The following FRMD4A variants were observed in gnomAD, a reference collection of about 807,000 sequenced individuals.
The protein encoded by FRMD4A is FERM domain containing 4A.
A neutral mutation model predicts 129.1 loss-of-function variants in FRMD4A; 29 were observed. The observed-to-expected ratio is 0.22, with a 90% CI of 0.17 to 0.31. The LOEUF (loss-of-function observed/expected upper bound fraction) is 0.31, where lower values mean the gene tolerates loss of function less well. Among genes scored for constraint, FRMD4A ranks in the 10% least tolerant of loss-of-function variants. The probability of loss-of-function intolerance (pLI) is 1.00; values close to 1 mark genes in which losing one functional copy is unlikely to be tolerated. For synonymous variants in FRMD4A, 634 were observed against 571.6 expected, an observed-to-expected ratio of 1.11 and a Z score of -1.56; for missense variants, 1,272 against 1,375.8, an observed-to-expected ratio of 0.92 and a Z score of 1.19.
intron 2 of FRMD4A, among the ~76,000 whole-genome samples, chr10:14,324,886 C>T (rs1843208926): frequency 6.6e-6 from 1 of 152,224 alleles, no homozygotes; most frequent in African/African-American, 2.4e-5. Flanking sequence ...GTCTCAAACA[C>T]CTGACCTCAG....
chr10:13,844,540 A>C (rs940028592), intron 3 of FRMD4A, among the ~76,000 whole-genome samples: 9 of 152,316 alleles, frequency 5.9e-5, no homozygotes, highest in Admixed American at 1.3e-4. Flanking sequence ...GGCCCACTTT[A>C]TTGTAGTAAC....
At chr10:14,209,788 T>G (rs1842887080) in intron 2 of FRMD4A, among the ~76,000 whole-genome samples, 1 of 151,178 alleles carries the variant, frequency 6.6e-6, no homozygotes, top group Non-Finnish European at 1.5e-5. Flanking sequence ...CCCAGGAGAC[T>G]GAGGTGAGAG....
intron 3 of FRMD4A, among the ~76,000 whole-genome samples, chr10:13,847,862 T>C (rs530069161): frequency 6.6e-6 from 1 of 152,148 alleles, no homozygotes; most frequent in Non-Finnish European, 1.5e-5. Context: ...AAATAATAAA[T>C]ATTTACCAAA....
At chr10:14,021,191 G>C (rs1782676839) in intron 2 of FRMD4A, among the ~76,000 whole-genome samples, 1 of 151,974 alleles carries the variant, frequency 6.6e-6, no homozygotes, top group Admixed American at 6.6e-5. Flanking sequence ...AATTTTCTTT[G>C]GGGATGTGTA....
At chr10:13,675,697 A>T (rs746051291) in intron 15 of FRMD4A, 2 of 152,130 alleles carry the variant, frequency 1.3e-5, no homozygotes, top group African/African-American at 2.4e-5. Context: ...CACCGTGCCC[A>T]GCCCTAAAAC....
At chr10:14,238,240 A>G (rs889997349) in intron 2 of FRMD4A, among the ~76,000 whole-genome samples, 5 of 152,350 alleles carry the variant, frequency 3.3e-5, no homozygotes, top group Admixed American at 3.3e-4. Context: ...GGTGGATAGA[A>G]TTATGTTTCC....
intron 8 of FRMD4A, among the ~76,000 whole-genome samples, chr10:13,761,030 C>A (rs1277844196): frequency 6.6e-6 from 1 of 152,138 alleles, no homozygotes; most frequent in Non-Finnish European, 1.5e-5. Flanking sequence ...GCAATTTCAG[C>A]CATACTGATC....
At chr10:13,770,356 A>C (rs563190549) in intron 6 of FRMD4A, among the ~76,000 whole-genome samples, 1 of 152,322 alleles carries the variant, frequency 6.6e-6, no homozygotes, top group Non-Finnish European at 1.5e-5. Context: ...GGGATTTCTC[A>C]TGCTGTCCAC....
chr10:14,023,336 GA>G (rs112283737), intron 2 of FRMD4A, among the ~76,000 whole-genome samples: 2,327 of 146,534 alleles, frequency 0.016, 63 homozygotes, highest in African/African-American at 0.055. Flanking sequence ...AATTAATAAA[GA>G]AAAAAAAAAG....
chr10:14,162,948 C>G (rs1056011588), intron 2 of FRMD4A, among the ~76,000 whole-genome samples: 1 of 152,138 alleles, frequency 6.6e-6, no homozygotes, highest in Admixed American at 6.5e-5. Context: ...CCACACACAC[C>G]GGCATGGCCA....
At chr10:14,281,075 C>T (rs1406061963) in intron 2 of FRMD4A, among the ~76,000 whole-genome samples, 2 of 144,842 alleles carry the variant, frequency 1.4e-5, no homozygotes, top group Non-Finnish European at 3.0e-5. Flanking sequence ...TCACCACAAC[C>T]TCCACCTCCT....
At chr10:13,658,370 C>A (rs2082354230) in intron 21 of FRMD4A, among the ~76,000 whole-genome samples, 1 of 152,186 alleles carries the variant, frequency 6.6e-6, no homozygotes, top group African/African-American at 2.4e-5. Context: ...CTTTATAATT[C>A]ATTCTGCTCG....
Position 13,948,617 on chromosome 10 carries a change from G to A in FRMD4A, c.46-89705C>T, listed in dbSNP as rs577085533. 2.0e-5 allele frequency among the ~76,000 whole-genome samples: 3 copies of A among 150,822 alleles called. 1 individual carries two copies. In the East Asian group the frequency reaches 5.9e-4, roughly 30 times the overall value. On this transcript the variant is annotated intron_variant, in intron 2 of 24. Transcript: ENST00000357447. The stretch of plus-strand genomic sequence containing the variant: ...TGAGCAGAGAGCAGGTGGTGGGGAT[G>A]AGGAGAATTGATAAGCCCATGGAAA...
chr10:14,257,445 A>G (rs561541986), intron 2 of FRMD4A, among the ~76,000 whole-genome samples: 53 of 152,346 alleles, frequency 3.5e-4, no homozygotes, highest in Admixed American at 5.9e-4. Context: ...ACAGAGTATA[A>G]GCTATGTATA....
intron 2 of FRMD4A, among the ~76,000 whole-genome samples, chr10:14,110,100 G>A (rs1253892942): frequency 8.8e-6 from 1 of 113,300 alleles, no homozygotes; most frequent in Non-Finnish European, 1.7e-5. Context: ...CTATATTCCA[G>A]GCTGGGCAAC....
chr10:13,669,788 G>A (rs969970248), intron 17 of FRMD4A, among the ~76,000 whole-genome samples: 4 of 152,130 alleles, frequency 2.6e-5, no homozygotes, highest in Non-Finnish European at 5.9e-5. Context: ...TTGTTTGTTT[G>A]TTTGTTTTCT....
At chr10:14,099,117 G>A (rs2131771619) in intron 2 of FRMD4A, among the ~76,000 whole-genome samples, 1 of 152,264 alleles carries the variant, frequency 6.6e-6, no homozygotes, top group East Asian at 1.9e-4. Flanking sequence ...CGGTTTTTGA[G>A]GACATCCAGG....
chr10:13,891,258 G>T (rs1448364371), intron 2 of FRMD4A, among the ~76,000 whole-genome samples: 2 of 151,964 alleles, frequency 1.3e-5, no homozygotes, highest in African/African-American at 4.8e-5. Context: ...GCCCTGTCCT[G>T]CACCCAAAGG....
At chr10:13,697,141 C>G (rs1158367697) in intron 14 of FRMD4A, among the ~76,000 whole-genome samples, 1 of 147,686 alleles carries the variant, frequency 6.8e-6, no homozygotes, top group Non-Finnish European at 1.5e-5. Flanking sequence ...GAAGCTTTAG[C>G]AAACTACTGG....
Sources: allele counts gnomAD v4.1 joint callset (sites outside exome capture counted in the v4.1 genomes callset), GRCh38; gene constraint gnomAD v4.1.1; transcripts MANE v1.5; gene names NCBI Gene and HGNC (gene_info 2026-07-23, HGNC 2026-07-21).